The following ZMYM4 variants were observed in gnomAD, a reference collection of about 807,000 sequenced individuals.
ZMYM4 encodes the protein zinc finger MYM-type protein 4.
ZMYM4 carries 31 observed loss-of-function variants against 183.2 expected under a neutral mutation model. The observed-to-expected ratio is 0.17, with a 90% CI of 0.13 to 0.23. The LOEUF (loss-of-function observed/expected upper bound fraction) is 0.23. Among genes scored for constraint, ZMYM4 ranks in the 10% least tolerant of loss-of-function variants. The pLI, the probability that ZMYM4 is intolerant of heterozygous loss-of-function variation, is 1.00. For synonymous variants in ZMYM4, 592 were observed against 631.2 expected, an observed-to-expected ratio of 0.94 and a Z score of 0.93; for missense variants, 1,273 against 1,840.3, an observed-to-expected ratio of 0.69 and a Z score of 5.64.
chr1:35,362,527 C>T (rs922329391), intron 5 of ZMYM4, among the ~76,000 whole-genome samples: 8 of 152,194 alleles, frequency 5.3e-5, no homozygotes, highest in African/African-American at 1.9e-4. Context: ...TATGCAATAG[C>T]AGCAATTATT....
intron 2 of ZMYM4, among the ~76,000 whole-genome samples, chr1:35,328,910 A>G (rs576835668): frequency 1.2e-3 from 178 of 152,190 alleles, no homozygotes; most frequent in African/African-American, 4.2e-3. Flanking sequence ...TATCTCAGGG[A>G]ACTGTCTCAA....
At chr1:35,270,874 AT>A (rs551011539) in intron 1 of ZMYM4, among the ~76,000 whole-genome samples, 3 of 152,222 alleles carry the variant, frequency 2.0e-5, no homozygotes, top group African/African-American at 7.2e-5. Flanking sequence ...ATTTTAATGC[AT>A]TTCATCGTAG....
Position 35,361,753 on chromosome 1 carries a change from A to G in ZMYM4, c.804A>G (p.Leu268=), listed in dbSNP as rs778066680. ...YDKAMAPQQG[L]LDKIKDEPDN... is the part of the protein sequence containing the mutation. ...AAGCAATGGCACCACAGCAGGGACTACTAGACAAAATAAAAGATGAACCTG... is the reference window on the plus strand; with the variant it reads ...AAGCAATGGCACCACAGCAGGGACTGCTAGACAAAATAAAAGATGAACCTG... Residue 268 remains leucine, a synonymous_variant, in exon 5 of 30, where the codon CTA becomes CTG. Coordinates refer to ENST00000314607, the MANE Select transcript of ZMYM4 (RefSeq NM_005095.3). The G allele has an allele frequency of 8.7e-6, 14 of 1,609,536 alleles. No individual in the cohort carries two copies. The South Asian group carries it at 1.4e-4, about 17-fold the overall frequency.
intron 1 of ZMYM4, among the ~76,000 whole-genome samples, chr1:35,270,572 A>G (rs1639544761): frequency 6.6e-6 from 1 of 152,164 alleles, no homozygotes; most frequent in African/African-American, 2.4e-5. Flanking sequence ...CAGCCTGGCC[A>G]ACATGGTGAA....
chr1:35,291,989 A>G (rs948965465), intron 1 of ZMYM4, among the ~76,000 whole-genome samples: 2 of 152,092 alleles, frequency 1.3e-5, no homozygotes, highest in Admixed American at 6.6e-5. Flanking sequence ...CTTTGATACC[A>G]TAGTGTTTTT....
intron 1 of ZMYM4, among the ~76,000 whole-genome samples, chr1:35,302,279 C>G (rs1018710710): frequency 1.2e-4 from 17 of 145,592 alleles, no homozygotes; most frequent in Non-Finnish European, 2.4e-4. Context: ...ACCATCACAG[C>G]TCACTGCTGC....
At chr1:35,418,350 G>C in intron 28 of ZMYM4, 93 bp from the exon 29 acceptor site, 1 of 1,398,202 alleles carries the variant, frequency 7.2e-7, no homozygotes, top group South Asian at 1.4e-5. Flanking sequence ...AAATGACAAA[G>C]TTCTGGCTGC....
At position 35,359,011 on chromosome 1, in the gene ZMYM4, A is replaced by G. The variant is rs756667421; in HGVS notation, c.172A>G (p.Asn58Asp). 8.1e-6 allele frequency: 13 copies of G among 1,613,776 alleles called. No individual in the cohort carries two copies. The highest frequency in any genetic ancestry group is 1.0e-5 in the Non-Finnish European group (12 of 1,179,738). The change falls in exon 3 of 30, where the codon AAT becomes GAT. Residue 58 changes from asparagine (N) to aspartate (D), a missense_variant. By Grantham distance (23) the Asn-to-Asp change is conservative. Transcript: ENST00000314607. ...TLDSMSYGMP[N>D]QTGSENSLLD... ...TGACAGCATGTCTTATGGAATGCCG[A>G]ATCAAACAGGATCTGAAAATTCATT...
chr1:35,350,712 C>A, intron 2 of ZMYM4: 1 of 396,904 alleles, frequency 2.5e-6, no homozygotes, highest in South Asian at 2.5e-5. Flanking sequence ...AAAGATCTCT[C>A]TTCTGCAGGA....
chr1:35,396,584 G>A lies in ZMYM4; in HGVS notation c.2944G>A (p.Val982Met), dbSNP rs145073063. The A allele has an allele frequency of 2.5e-4, 401 of 1,613,666 alleles. No homozygotes were observed. Among genetic ancestry groups the A allele is most frequent in the Non-Finnish European group, 3.2e-4 (376 of 1,179,748 alleles). Residue 982 changes from valine to methionine, a missense_variant, in exon 19 of 30, where the codon GTG (valine) becomes ATG (methionine). Physicochemically the swap from Val to Met is conservative, Grantham distance 21. Transcript: ENST00000314607. The part of the protein sequence containing the change: ...DTPSQPQIIV[V>M]PVPVPVFVPI... ...TCCAAGTCAGCCCCAGATTATTGTG[G>A]TGCCAGTTCCCGTACCAGTGTTTGT...
intron 18 of ZMYM4, among the ~76,000 whole-genome samples, 166 bp downstream of exon 18, chr1:35,393,905 C>T (rs1278463519): frequency 1.3e-5 from 2 of 152,290 alleles, no homozygotes; most frequent in South Asian, 4.1e-4. Flanking sequence ...TTTTCCGCAT[C>T]TGAGGCTTAA....
intron 18 of ZMYM4, among the ~76,000 whole-genome samples, chr1:35,394,445 C>T (rs1644772658): frequency 6.6e-6 from 1 of 151,998 alleles, no homozygotes; most frequent in Non-Finnish European, 1.5e-5. Flanking sequence ...GGAATTTAGC[C>T]TCTTCAGCTT....
chr1:35,336,738 A>C (rs902618745), intron 2 of ZMYM4, among the ~76,000 whole-genome samples: 2 of 152,058 alleles, frequency 1.3e-5, no homozygotes, highest in Non-Finnish European at 2.9e-5. Flanking sequence ...AATCATATTC[A>C]GTTGTTTATG....
chr1:35,269,073 C>A lies in ZMYM4; in HGVS notation c.27C>A (p.Gly9=), dbSNP rs1337025029. The A allele has an allele frequency of 3.9e-6, 6 of 1,549,140 alleles. No individual in the cohort carries two copies. The highest frequency in any genetic ancestry group is 2.7e-5 in the African/African-American group (2 of 73,118). Residue 9 remains glycine (G), a synonymous_variant, in exon 1 of 30, where the codon GGC becomes GGA. Transcript: ENST00000314607. MAEREVES[G]PRKRFEQKSG... is the part of the protein sequence containing the mutation. ...TGGCGGAGAGAGAGGTGGAGTCCGG[C>A]CCCCGAAAGAGGGTAGGTGAGGTGA...
intron 5 of ZMYM4, among the ~76,000 whole-genome samples, chr1:35,367,812 C>A (rs184756698): frequency 6.6e-6 from 1 of 151,836 alleles, no homozygotes; most frequent in Non-Finnish European, 1.5e-5. Context: ...CCCATCTCTA[C>A]TAAAAATACA....
At chr1:35,297,504 T>A (rs1156691409) in intron 1 of ZMYM4, among the ~76,000 whole-genome samples, 3 of 152,070 alleles carry the variant, frequency 2.0e-5, no homozygotes, top group Non-Finnish European at 2.9e-5. Context: ...GTATATATAT[T>A]TTTAAGGTTA....
At chr1:35,382,364 ATATT>A (rs2148967859) in intron 9 of ZMYM4, among the ~76,000 whole-genome samples, 1 of 151,694 alleles carries the variant, frequency 6.6e-6, no homozygotes, top group South Asian at 2.1e-4. Context: ...TGTGCATTAA[ATATT>A]CATACAGAGT....
chr1:35,355,144 C>T (rs1643770901), intron 2 of ZMYM4, among the ~76,000 whole-genome samples: 1 of 151,480 alleles, frequency 6.6e-6, no homozygotes, highest in African/African-American at 2.4e-5. Flanking sequence ...CGCCATTCTC[C>T]TGCGTCAGCC....
At chr1:35,325,189 T>C (rs1010749254) in intron 1 of ZMYM4, among the ~76,000 whole-genome samples, 171 bp from the exon 2 acceptor site, 2 of 152,206 alleles carry the variant, frequency 1.3e-5, no homozygotes, top group African/African-American at 4.8e-5. Context: ...AGAACTACTT[T>C]GGTTCATCCT....
Sources: gnomAD v4.1 joint callset for allele counts (sites outside exome capture counted in the v4.1 genomes callset) on GRCh38, gnomAD v4.1.1 for gene constraint, MANE v1.5 for transcripts, NCBI Gene and HGNC (gene_info 2026-07-23, HGNC 2026-07-21) for gene names.